EXOC6: variants seen among roughly 807,000 people sequenced by gnomAD.
EXOC6 encodes the protein SEC15-like 1.
In EXOC6, 60 loss-of-function variants were observed where a neutral mutation model predicts 112.5. The observed-to-expected ratio is 0.53, with a 90% confidence interval of 0.43 to 0.66. EXOC6 has a LOEUF of 0.66. Among genes scored for constraint, EXOC6 ranks in the 30% least tolerant of loss-of-function variants. The pLI is 0.00. For missense variants in EXOC6, 855 were observed against 957.1 expected (o/e 0.89, Z 1.41); for synonymous variants, 295 against 308.0 (o/e 0.96, Z 0.44).
chr10:93,020,749 A>G (rs1362348125), intron 20 of EXOC6, among the ~76,000 whole-genome samples: 3 of 152,090 alleles, frequency 2.0e-5, no homozygotes, highest in Admixed American at 6.6e-5. Context: ...CTTCTAGGGA[A>G]GTTTTAGACA....
intron 9 of EXOC6, among the ~76,000 whole-genome samples, chr10:92,933,186 G>A (rs1852147752): frequency 6.6e-6 from 1 of 151,978 alleles, no homozygotes; most frequent in African/African-American, 2.4e-5. Flanking sequence ...AGTATTTAAA[G>A]CAAAACTGCC....
At chr10:93,037,613 T>C (rs2134316635) in intron 20 of EXOC6, among the ~76,000 whole-genome samples, 1 of 152,094 alleles carries the variant, frequency 6.6e-6, no homozygotes, top group East Asian at 2.0e-4. Flanking sequence ...CTAGTTTTTC[T>C]ATGTTTAGTA....
intron 21 of EXOC6, 107 bp from the exon 22 acceptor site, chr10:93,058,116 C>T (rs1846630198): frequency 6.3e-6 from 6 of 947,274 alleles, no homozygotes; most frequent in Non-Finnish European, 9.3e-6. Context: ...ATTTTTCAAG[C>T]ATAGGATTAG....
rs67242778 is a variant in EXOC6, at chr10:92,988,800, T to TACACACACACACACACAC, written c.1954-8651_1954-8634dup. 2.2e-3 allele frequency among the ~76,000 whole-genome samples: 312 copies of TACACACACACACACACAC among 143,072 alleles called. 2 individuals are homozygous for TACACACACACACACACAC. The highest frequency in any genetic ancestry group is 7.8e-3 in the African/African-American group (302 of 38,954). The allele number at this position is 143,072 out of a possible 152,430, so 93.9% of individuals were successfully genotyped here. The stretch of plus-strand genomic sequence containing the variant: ...GACAAAACCCCATCTCTACAAAAAA[T>TACACACACACACACACAC]ACACACACACACACACACACACACA... On this transcript the variant is annotated intron_variant, in intron 18 of 21. Coordinates refer to ENST00000260762, the MANE Select transcript of EXOC6 (RefSeq NM_019053.6).
intron 18 of EXOC6, among the ~76,000 whole-genome samples, chr10:92,977,340 A>G (rs1842663392): frequency 6.6e-6 from 1 of 152,062 alleles, no homozygotes; most frequent in South Asian, 2.1e-4. Flanking sequence ...AACCAATTAG[A>G]AAAGTTGAGG....
At chr10:92,841,221 A>C (rs903342032) in intron 1 of EXOC6, among the ~76,000 whole-genome samples, 3 of 152,004 alleles carry the variant, frequency 2.0e-5, no homozygotes, top group Non-Finnish European at 4.4e-5. Flanking sequence ...TTTCCCATCT[A>C]TGTCTCTCCT....
chr10:93,029,200 G>A (rs749218842), intron 20 of EXOC6, among the ~76,000 whole-genome samples: 21 of 152,092 alleles, frequency 1.4e-4, no homozygotes, highest in Non-Finnish European at 2.4e-4. Context: ...TTTAATTAGG[G>A]TGTGTACGTT....
chr10:92,954,954 G>A (rs905434034), intron 16 of EXOC6, among the ~76,000 whole-genome samples: 2 of 152,152 alleles, frequency 1.3e-5, no homozygotes, highest in African/African-American at 4.8e-5. Flanking sequence ...AGCTTTGGGA[G>A]GCCAAGGCAG....
intron 12 of EXOC6, among the ~76,000 whole-genome samples, chr10:92,936,806 ATAT>A (rs1339814570): frequency 1.3e-5 from 2 of 152,126 alleles, no homozygotes; most frequent in Non-Finnish European, 2.9e-5. Flanking sequence ...ATTAACAGTA[ATAT>A]TATTCTCTCC....
At chr10:92,953,584 A>G (rs1245151709) in intron 15 of EXOC6, among the ~76,000 whole-genome samples, 1 of 152,140 alleles carries the variant, frequency 6.6e-6, no homozygotes, top group African/African-American at 2.4e-5. Flanking sequence ...ATAGAGGCCA[A>G]ACATCCAAAT....
chr10:92,923,277 CCTT>C (rs1237711535), intron 8 of EXOC6, among the ~76,000 whole-genome samples: 1 of 152,218 alleles, frequency 6.6e-6, no homozygotes, highest in Admixed American at 6.5e-5. Flanking sequence ...TGAACAGTTT[CCTT>C]CTTCAACATT....
At chr10:92,873,227 G>C (rs1385691087) in intron 1 of EXOC6, among the ~76,000 whole-genome samples, 24 of 152,130 alleles carry the variant, frequency 1.6e-4, no homozygotes, top group Non-Finnish European at 1.5e-5. Flanking sequence ...TTGCAAATCT[G>C]TGCTGGCTGA....
chr10:93,010,890 G>A (rs1164457435), intron 19 of EXOC6, among the ~76,000 whole-genome samples: 4 of 152,040 alleles, frequency 2.6e-5, no homozygotes, highest in Admixed American at 2.6e-4. Flanking sequence ...GCTTAGTAAA[G>A]TATAAAGTGC....
At chr10:92,990,440 A>G (rs944275629) in intron 18 of EXOC6, among the ~76,000 whole-genome samples, 1 of 152,216 alleles carries the variant, frequency 6.6e-6, no homozygotes, top group African/African-American at 2.4e-5. Flanking sequence ...AGTAGTAGTA[A>G]TGAAAGGGCT....
At chr10:92,894,238 C>T (rs1849644866) in intron 2 of EXOC6, among the ~76,000 whole-genome samples, 1 of 152,148 alleles carries the variant, frequency 6.6e-6, no homozygotes, top group East Asian at 1.9e-4. Context: ...TTTAATAAAC[C>T]AGAATGTGCT....
At chr10:92,936,868 C>A (rs1328108268) in intron 12 of EXOC6, among the ~76,000 whole-genome samples, 1 of 151,704 alleles carries the variant, frequency 6.6e-6, no homozygotes, top group Admixed American at 6.6e-5. Flanking sequence ...ATAACCTCTG[C>A]GATATTGGGA....
At chr10:93,029,842 G>A (rs924579453) in intron 20 of EXOC6, among the ~76,000 whole-genome samples, 2 of 151,732 alleles carry the variant, frequency 1.3e-5, no homozygotes, top group Admixed American at 6.6e-5. Flanking sequence ...ATTTTGTTCT[G>A]TATGGTTATT....
At chr10:93,004,092 T>G (rs1185690917) in intron 19 of EXOC6, among the ~76,000 whole-genome samples, 2 of 152,174 alleles carry the variant, frequency 1.3e-5, no homozygotes, top group Non-Finnish European at 2.9e-5. Context: ...AAAAGGCTGT[T>G]GAACTTTTCC....
chr10:92,894,943 C>T lies in EXOC6; in HGVS notation c.335C>T (p.Thr112Ile). 2 of 1,611,210 alleles carry T rather than the reference C, an allele frequency of 1.2e-6. No homozygotes were observed. Among genetic ancestry groups the T allele is most frequent in the Non-Finnish European group, 1.7e-6 (2 of 1,177,634 alleles). The change falls in exon 4 of 22, where the codon ACA (threonine) becomes ATA (isoleucine). Residue 112 changes from threonine (T) to isoleucine (I), a missense_variant. By Grantham distance (89) the Thr-to-Ile change is moderately conservative. Transcript: ENST00000260762. ...TTCTTTTCTAAGGTGATAGTCCACA[C>T]AGAAGATATCATTCGATGTAGAATT... is the stretch of plus-strand genomic sequence containing the variant. ...QDAGKEVIVH[T>I]EDIIRCRIQQ...
Sources: allele counts gnomAD v4.1 joint callset (sites outside exome capture counted in the v4.1 genomes callset), GRCh38; gene constraint gnomAD v4.1.1; transcripts MANE v1.5; gene names NCBI Gene and HGNC (gene_info 2026-07-23, HGNC 2026-07-21).